Variants in GABRA3 observed in about 807,000 individuals in gnomAD.
The protein encoded by GABRA3 is gamma-aminobutyric acid receptor subunit alpha-3.
In GABRA3, 10 loss-of-function variants were observed where a neutral mutation model predicts 30.1. The ratio of observed to expected loss-of-function variants is 0.33; its 90% CI spans 0.20 to 0.56. The LOEUF is 0.56. Ranked by LOEUF, GABRA3 falls within the 20% of genes least tolerant of loss-of-function variation. The pLI, the probability that GABRA3 is intolerant of heterozygous loss-of-function variation, is 0.89. For missense variants in GABRA3, 233 were observed against 392.0 expected, an observed-to-expected ratio of 0.59 and a Z score of 3.42; for synonymous variants, 151 against 146.8, an observed-to-expected ratio of 1.03 and a Z score of -0.21.
chrX:152,171,525 T>C (rs1189255919), intron 9 of GABRA3: 1 of 120,825 alleles, frequency 8.3e-6, no homozygotes, highest in South Asian at 3.5e-4. Flanking sequence ...CTACACCTAG[T>C]TTTCCAGTAA....
intron 5 of GABRA3, among the ~76,000 whole-genome samples, chrX:152,254,901 T>G (rs745599144): frequency 8.9e-6 from 1 of 111,752 alleles, no homozygotes; most frequent in Non-Finnish European, 1.9e-5. Flanking sequence ...AGCAAATTCA[T>G]AAAAAAGCAA....
At chrX:152,416,404 T>A (rs1222332123) in intron 1 of GABRA3, among the ~76,000 whole-genome samples, 2 of 103,757 alleles carry the variant, frequency 1.9e-5, no homozygotes, top group East Asian at 6.0e-4. Flanking sequence ...CATTCCATGC[T>A]CATGGGTAGG....
chrX:152,270,283 T>G (rs1432403254), intron 4 of GABRA3, among the ~76,000 whole-genome samples: 2 of 111,491 alleles, frequency 1.8e-5, no homozygotes, highest in Admixed American at 1.9e-4. Context: ...ACTTCTCTCT[T>G]CTGCCAGCAT....
intron 1 of GABRA3, among the ~76,000 whole-genome samples, chrX:152,403,016 T>A: frequency 9.0e-6 from 1 of 111,642 alleles, no homozygotes; most frequent in Non-Finnish European, 1.9e-5. Flanking sequence ...AGGATGGACA[T>A]TTTATAAGAG....
At chrX:152,253,289 T>C (rs767851915) in intron 5 of GABRA3, among the ~76,000 whole-genome samples, 3 of 111,875 alleles carry the variant, frequency 2.7e-5, no homozygotes, top group South Asian at 3.7e-4. Flanking sequence ...TACCACACTT[T>C]ATATCTCTAC....
chrX:152,274,996 A>G (rs1264951377), intron 4 of GABRA3, among the ~76,000 whole-genome samples: 1 of 100,827 alleles, frequency 9.9e-6, no homozygotes, highest in Non-Finnish European at 2.0e-5. Context: ...ATTTTTTTCT[A>G]CTTTGGGGTG....
At chrX:152,255,741 C>A in intron 5 of GABRA3, 37 bp downstream of exon 5, 9 of 1,136,892 alleles carry the variant, frequency 7.9e-6, no homozygotes, top group Non-Finnish European at 9.7e-6. Context: ...CAGTCCTACT[C>A]CCAATATACT....
At chrX:152,287,210 A>T (rs1939312496) in intron 3 of GABRA3, among the ~76,000 whole-genome samples, 1 of 112,221 alleles carries the variant, frequency 8.9e-6, no homozygotes, top group African/African-American at 3.2e-5. Flanking sequence ...AAATTGTAAG[A>T]TAGTCATGCA....
At chrX:152,205,810 C>T (rs1937534151) in intron 7 of GABRA3, among the ~76,000 whole-genome samples, 1 of 111,547 alleles carries the variant, frequency 9.0e-6, no homozygotes, top group East Asian at 2.8e-4. Flanking sequence ...ATACTATGGC[C>T]CCATTTACAT....
Position 152,405,680 on chromosome X carries a change from G to A in GABRA3, c.-26-41084C>T, listed in dbSNP as rs932660579. On this transcript the variant is annotated intron_variant, in intron 1 of 9. Transcript: ENST00000370314. ...CAAATTCCTGAGGCGCCTAATTCCTGGCCCTAGCTCCTGGATGGCATTCCT... is the reference window on the plus strand; with the variant it reads ...CAAATTCCTGAGGCGCCTAATTCCTAGCCCTAGCTCCTGGATGGCATTCCT... Among the ~76,000 whole-genome samples the A allele has an allele frequency of 4.5e-4, 50 of 111,530 alleles. 1 individual carries two copies. Among genetic ancestry groups the A allele is most frequent in the Non-Finnish European group, 9.4e-5 (5 of 53,078 alleles).
intron 1 of GABRA3, among the ~76,000 whole-genome samples, chrX:152,436,672 C>T (rs1379425715): frequency 3.6e-5 from 4 of 111,454 alleles, no homozygotes; most frequent in South Asian, 3.7e-4. Flanking sequence ...AAAAACTGGA[C>T]ATACATAAGG....
At chrX:152,408,972 G>A (rs769195798) in intron 1 of GABRA3, among the ~76,000 whole-genome samples, 1 of 111,744 alleles carries the variant, frequency 8.9e-6, no homozygotes, top group Non-Finnish European at 1.9e-5. Flanking sequence ...ACTGGGACAA[G>A]GACACCCCTT....
intron 1 of GABRA3, among the ~76,000 whole-genome samples, chrX:152,400,494 G>GT (rs1307514614): frequency 9.0e-6 from 1 of 111,137 alleles, no homozygotes; most frequent in Admixed American, 9.6e-5. Flanking sequence ...GGGCAACACA[G>GT]TAAGACCCTG....
At position 152,248,008 on chromosome X, in the gene GABRA3, C is replaced by T. The variant is rs753711815; in HGVS notation, c.551+7770G>A. On this transcript the variant is annotated intron_variant, in intron 5 of 9. Transcript: ENST00000370314. ...ATATGTCAGGGACATTCTCAACGCA[C>T]CTTTTTCCTCGATACCCTATATCCA... Among the ~76,000 whole-genome samples the T allele has an allele frequency of 8.1e-5, 9 of 110,908 alleles. No individual in the cohort carries two copies. The East Asian group carries it at 2.6e-3, about 32-fold the overall frequency.
At chrX:152,427,530 A>G (rs1216547590) in intron 1 of GABRA3, among the ~76,000 whole-genome samples, 1 of 112,005 alleles carries the variant, frequency 8.9e-6, no homozygotes, top group Non-Finnish European at 1.9e-5. Flanking sequence ...TTTACCTGTC[A>G]TGTTCCCCAC....
intron 6 of GABRA3, among the ~76,000 whole-genome samples, chrX:152,219,423 T>C (rs746906285): frequency 5.3e-4 from 59 of 111,660 alleles, no homozygotes; most frequent in African/African-American, 1.8e-3. Context: ...TTGAGAAAGA[T>C]AGATATTTTT....
chrX:152,357,264 T>A (rs1458438175), intron 2 of GABRA3, among the ~76,000 whole-genome samples: 1 of 111,980 alleles, frequency 8.9e-6, no homozygotes, highest in African/African-American at 3.2e-5. Flanking sequence ...CCGTATTCTG[T>A]TCTCTGCAAC....
chrX:152,419,506 T>C (rs1230855137), intron 1 of GABRA3, among the ~76,000 whole-genome samples: 1 of 110,797 alleles, frequency 9.0e-6, no homozygotes, highest in African/African-American at 3.3e-5. Context: ...CCAAAAAACA[T>C]GAAAATTTAG....
rs1930042392 is a variant in GABRA3, at chrX:152,410,491, T to C, written c.-27+40655A>G. Reference sequence around the variant, plus strand: ...ACATCACATGTACCCCATAAATATGTATAACTATCATGTATCCATAATAAT... The same window carrying C: ...ACATCACATGTACCCCATAAATATGCATAACTATCATGTATCCATAATAAT... On this transcript the variant is annotated intron_variant, in intron 1 of 9. Transcript: ENST00000370314. Among the ~76,000 whole-genome samples, 2 of 111,684 alleles carry C rather than the reference T, an allele frequency of 1.8e-5. 1 individual carries two copies. Among genetic ancestry groups the C allele is most frequent in the South Asian group, 7.3e-4 (2 of 2,741 alleles).
Sources: gnomAD v4.1 joint callset for allele counts (sites outside exome capture counted in the v4.1 genomes callset) on GRCh38, gnomAD v4.1.1 for gene constraint, MANE v1.5 for transcripts, NCBI Gene and HGNC (gene_info 2026-07-23, HGNC 2026-07-21) for gene names.